Variants in SLC25A21 observed in about 807,000 individuals in gnomAD.
SLC25A21 encodes solute carrier family 25 member 21.
A neutral mutation model predicts 43.8 loss-of-function variants in SLC25A21; 47 were observed. The ratio of observed to expected loss-of-function variants is 1.07; its 90% CI spans 0.85 to 1.37. The LOEUF is 1.37. SLC25A21 is among the 40% of genes most tolerant of loss of function. The probability of loss-of-function intolerance (pLI) is 0.00; values close to 1 mark genes in which losing one functional copy is unlikely to be tolerated. For synonymous variants in SLC25A21, 131 were observed against 121.3 expected (o/e 1.08, Z -0.52); for missense variants, 352 against 350.2 (o/e 1.00, Z -0.04).
chr14:36,892,034 T>C (rs1276276872), intron 1 of SLC25A21, among the ~76,000 whole-genome samples: 1 of 152,132 alleles, frequency 6.6e-6, no homozygotes. Context: ...ATTACCCTGA[T>C]CAAACGGTGC....
intron 1 of SLC25A21, among the ~76,000 whole-genome samples, chr14:36,988,600 A>C (rs1960196367): frequency 6.6e-6 from 1 of 152,152 alleles, no homozygotes; most frequent in African/African-American, 2.4e-5. Flanking sequence ...CATGGAGTTA[A>C]CTGTTCATTA....
chr14:36,771,399 C>T (rs772157419), intron 3 of SLC25A21, among the ~76,000 whole-genome samples: 3 of 151,994 alleles, frequency 2.0e-5, no homozygotes, highest in Non-Finnish European at 2.9e-5. Context: ...CAAAGTACAA[C>T]TCCTTCCATT....
intron 1 of SLC25A21, among the ~76,000 whole-genome samples, chr14:37,103,011 A>C (rs189888287): frequency 1.3e-5 from 2 of 152,078 alleles, no homozygotes; most frequent in East Asian, 3.9e-4. Context: ...AAATTAATCA[A>C]AGTCAAACCA....
intron 1 of SLC25A21, among the ~76,000 whole-genome samples, chr14:36,891,455 C>T (rs1412226591): frequency 6.6e-6 from 1 of 152,092 alleles, no homozygotes; most frequent in African/African-American, 2.4e-5. Context: ...ATGTGAAGAG[C>T]AACATTTCTA....
At chr14:36,788,606 G>A (rs913758870) in intron 3 of SLC25A21, 1 of 149,184 alleles carries the variant, frequency 6.7e-6, no homozygotes, top group African/African-American at 2.5e-5. Context: ...AAACAAAAAG[G>A]CTCCAAATAT....
At chr14:37,098,691 G>A (rs1962747964) in intron 1 of SLC25A21, 2 of 150,496 alleles carry the variant, frequency 1.3e-5, no homozygotes, top group African/African-American at 4.9e-5. Context: ...TCTCCTTATA[G>A]GACGATTAGA....
At chr14:36,757,441 G>A (rs183358830) in intron 3 of SLC25A21, among the ~76,000 whole-genome samples, 54 of 151,978 alleles carry the variant, frequency 3.6e-4, no homozygotes, top group Admixed American at 1.2e-3. Flanking sequence ...ACCACACTTT[G>A]ACCACTCATT....
At chr14:36,862,231 C>G (rs150550098) in intron 2 of SLC25A21, among the ~76,000 whole-genome samples, 3,923 of 152,244 alleles carry the variant, frequency 0.026, 93 homozygotes, top group African/African-American at 0.059. Flanking sequence ...ACCAGAAATA[C>G]CATTTGACCC....
At chr14:37,155,021 T>C (rs986036829) in intron 1 of SLC25A21, among the ~76,000 whole-genome samples, 2 of 151,940 alleles carry the variant, frequency 1.3e-5, no homozygotes, top group Non-Finnish European at 2.9e-5. Flanking sequence ...TTTGAAAACT[T>C]TGGTAATAGA....
intron 1 of SLC25A21, among the ~76,000 whole-genome samples, chr14:36,918,862 G>A (rs1891901340): frequency 6.6e-6 from 1 of 152,026 alleles, no homozygotes; most frequent in Admixed American, 6.6e-5. Flanking sequence ...AAGCCCGAAA[G>A]ATCCTTTTAA....
chr14:36,992,410 A>C (rs1054464263), intron 1 of SLC25A21, among the ~76,000 whole-genome samples: 1 of 150,274 alleles, frequency 6.7e-6, no homozygotes, highest in African/African-American at 2.4e-5. Context: ...CTATCTCTAT[A>C]AAAAAATAAA....
intron 1 of SLC25A21, among the ~76,000 whole-genome samples, chr14:37,109,630 G>T (rs1338106448): frequency 1.3e-5 from 2 of 152,128 alleles, no homozygotes; most frequent in Non-Finnish European, 2.9e-5. Context: ...TGTGCAGTCA[G>T]GAGACCTATG....
At chr14:36,972,292 A>T (rs183487520) in intron 1 of SLC25A21, among the ~76,000 whole-genome samples, 3 of 152,320 alleles carry the variant, frequency 2.0e-5, no homozygotes, top group Admixed American at 2.0e-4. Context: ...AAAGCACCTA[A>T]TGAAGCACTT....
At chr14:37,081,607 G>T (rs1962390238) in intron 1 of SLC25A21, among the ~76,000 whole-genome samples, 1 of 152,174 alleles carries the variant, frequency 6.6e-6, no homozygotes, top group South Asian at 2.1e-4. Flanking sequence ...ACATTATTAA[G>T]CCCAAAACCA....
intron 1 of SLC25A21, among the ~76,000 whole-genome samples, chr14:37,134,041 A>T (rs115837943): frequency 4.6e-5 from 7 of 152,316 alleles, no homozygotes; most frequent in African/African-American, 1.7e-4. Context: ...GACCTGAGAA[A>T]CATCCCAGGA....
chr14:36,986,401 C>A (rs1960146324), intron 1 of SLC25A21, among the ~76,000 whole-genome samples: 2 of 152,118 alleles, frequency 1.3e-5, no homozygotes, highest in Non-Finnish European at 2.9e-5. Context: ...AGTTTCCTGA[C>A]CCTATTGGAC....
chr14:36,798,896 G>T (rs1887767061), intron 3 of SLC25A21, among the ~76,000 whole-genome samples: 1 of 144,282 alleles, frequency 6.9e-6, no homozygotes, highest in Admixed American at 7.7e-5. Context: ...TTCTAATAGG[G>T]AGAGAAAGAG....
chr14:36,831,683 A>G (rs993464581), intron 2 of SLC25A21, among the ~76,000 whole-genome samples: 6 of 152,220 alleles, frequency 3.9e-5, no homozygotes, highest in African/African-American at 1.4e-4. Flanking sequence ...AAGGCTCCAC[A>G]GCAAGATAAT....
At chr14:37,030,131 TA>T (rs1367130650) in intron 1 of SLC25A21, among the ~76,000 whole-genome samples, 3 of 152,154 alleles carry the variant, frequency 2.0e-5, no homozygotes, top group African/African-American at 7.2e-5. Flanking sequence ...TTTGTATATG[TA>T]TTATATAAAG....
Sources: gnomAD v4.1 joint callset for allele counts (sites outside exome capture counted in the v4.1 genomes callset) on GRCh38, gnomAD v4.1.1 for gene constraint, MANE v1.5 for transcripts, NCBI Gene and HGNC (gene_info 2026-07-23, HGNC 2026-07-21) for gene names.